PRRG4: variants seen among roughly 807,000 people sequenced by gnomAD.
PRRG4 encodes the protein proline rich and Gla domain 4.
A neutral mutation model predicts 20.0 loss-of-function variants in PRRG4; 12 were observed. The observed-to-expected ratio is 0.60, with a 90% CI of 0.38 to 0.97. The LOEUF (loss-of-function observed/expected upper bound fraction) is 0.97, where lower values mean the gene tolerates loss of function less well. Ranked by LOEUF, PRRG4 falls within the 50% of genes least tolerant of loss-of-function variation. The pLI is 0.00. For missense variants in PRRG4, 199 were observed against 265.1 expected, an observed-to-expected ratio of 0.75 and a Z score of 1.73; for synonymous variants, 94 against 96.4, an observed-to-expected ratio of 0.98 and a Z score of 0.15.
intron 3 of PRRG4, among the ~76,000 whole-genome samples, chr11:32,838,089 T>C (rs180742500): frequency 4.2e-4 from 64 of 152,292 alleles, no homozygotes; most frequent in African/African-American, 1.5e-3. Context: ...TTAAAATTCA[T>C]TTCTATTCTC....
intron 2 of PRRG4, among the ~76,000 whole-genome samples, chr11:32,833,096 G>A (rs934878895): frequency 6.6e-6 from 1 of 152,012 alleles, no homozygotes; most frequent in African/African-American, 2.4e-5. Flanking sequence ...GCAAGTTCAG[G>A]GTTACTTAGA....
At chr11:32,833,443 G>T (rs565927510) in intron 2 of PRRG4, among the ~76,000 whole-genome samples, 1 of 152,288 alleles carries the variant, frequency 6.6e-6, no homozygotes, top group South Asian at 2.1e-4. Flanking sequence ...AGACTGTCAT[G>T]AGAAATTTGG....
rs748898350 is a variant in PRRG4, at chr11:32,855,615, G to T, written c.*2088G>T. On this transcript the variant is annotated 3_prime_UTR_variant, in exon 6 of 6. Coordinates refer to ENST00000257836, the MANE Select transcript of PRRG4 (RefSeq NM_024081.6). ...TAAAAGTAAGTCCTTAATCATTACA[G>T]ACTGCCAAAGACTTTATCCTTTTAG... The T allele has an allele frequency of 6.6e-6, 1 of 152,124 alleles. No individual in the cohort carries two copies. The highest frequency in any genetic ancestry group is 1.5e-5 in the Non-Finnish European group (1 of 68,010). 9.4% of individuals were successfully genotyped at this position (152,124 alleles called of 1,614,324 possible). A position where few individuals can be genotyped will look rare whatever the true frequency, so the allele number is the denominator to read the frequency against.
In PRRG4 at chr11:32,853,356, G is replaced by A. The variant is rs140392147; in HGVS notation, c.510G>A (p.Glu170=). The change falls in exon 6 of 6, where the codon GAG becomes GAA. Residue 170 remains glutamate (E), a synonymous_variant. Transcript: ENST00000257836. The stretch of plus-strand genomic sequence containing the variant: ...CCTCCATCATTTTCAGAAGACCTGA[G>A]GAGGCTGCCTTGTCTCCATTGCCGC... ...HTPSIIFRRP[E]EAALSPLPPS... 1.2e-5 allele frequency: 19 copies of A among 1,613,990 alleles called. No homozygotes were observed. In the African/African-American group the frequency reaches 2.4e-4, roughly 20 times the overall value.
chr11:32,851,445 A>G (rs2133451548), intron 5 of PRRG4, among the ~76,000 whole-genome samples: 1 of 152,328 alleles, frequency 6.6e-6, no homozygotes, highest in East Asian at 1.9e-4. Context: ...GATTTCTGAC[A>G]GAGGAGGAAT....
intron 2 of PRRG4, 30 bp downstream of exon 2, chr11:32,830,662 A>T (rs754091992): frequency 6.2e-7 from 1 of 1,613,808 alleles, no homozygotes; most frequent in South Asian, 1.1e-5. Flanking sequence ...TGGAACCCAG[A>T]GCCGCATAGC....
intron 1 of PRRG4, 70 bp downstream of exon 1, chr11:32,830,243 G>A: frequency 9.3e-7 from 1 of 1,071,392 alleles, no homozygotes; most frequent in Non-Finnish European, 1.2e-6. Context: ...GGCGGACTGG[G>A]TTGGATTCGA....
intron 5 of PRRG4, among the ~76,000 whole-genome samples, chr11:32,845,492 C>T (rs781733891): frequency 5.9e-5 from 9 of 151,948 alleles, no homozygotes; most frequent in Non-Finnish European, 1.3e-4. Flanking sequence ...ATCAGCCGGG[C>T]GTGATGGCGG....
intron 3 of PRRG4, among the ~76,000 whole-genome samples, chr11:32,837,952 A>G (rs918339908): frequency 1.3e-4 from 20 of 152,102 alleles, no homozygotes; most frequent in Non-Finnish European, 2.9e-4. Context: ...GAACCTCCCC[A>G]GGTATCCTTC....
At chr11:32,848,519 T>C (rs2133449313) in intron 5 of PRRG4, among the ~76,000 whole-genome samples, 1 of 152,130 alleles carries the variant, frequency 6.6e-6, no homozygotes, top group Non-Finnish European at 1.5e-5. Context: ...TTAATACCAC[T>C]GAAATGTATA....
Position 32,853,447 on chromosome 11 carries a change from G to A in PRRG4, c.601G>A (p.Val201Ile). ...QAVALTRKHS[V>I]SPPPPYPGHT... Reference sequence around the variant, plus strand: ...AGTGGCGCTGACCAGAAAACACAGTGTTTCACCACCACCACCATATCCTGG... The same window carrying A: ...AGTGGCGCTGACCAGAAAACACAGTATTTCACCACCACCACCATATCCTGG... Residue 201 changes from valine (V) to isoleucine (I), a missense_variant, in exon 6 of 6, where the codon GTT (valine) becomes ATT (isoleucine). Val to Ile is a conservative substitution (Grantham distance 29, BLOSUM62 3). Coordinates refer to ENST00000257836, the MANE Select transcript of PRRG4 (RefSeq NM_024081.6). 1 of 1,614,046 alleles carries A rather than the reference G, an allele frequency of 6.2e-7. No homozygotes were observed. The highest frequency in any genetic ancestry group is 8.5e-7 in the Non-Finnish European group (1 of 1,179,992).
chr11:32,838,260 C>T (rs1851042435), intron 3 of PRRG4, among the ~76,000 whole-genome samples: 2 of 152,012 alleles, frequency 1.3e-5, no homozygotes, highest in Non-Finnish European at 2.9e-5. Context: ...AGTTCAAGAC[C>T]AGCCTGGGCT....
intron 4 of PRRG4, 59 bp downstream of exon 4, chr11:32,838,989 T>C (rs1384903878): frequency 2.2e-5 from 28 of 1,295,052 alleles, no homozygotes; most frequent in Non-Finnish European, 2.8e-5. Context: ...TTGTAATACA[T>C]TTTAGTTTTA....
chr11:32,857,968 A>T lies in PRRG4; in HGVS notation c.*4441A>T, dbSNP rs1851242163. ...TCTAACACCTCAACAGTTTAAGGTA[A>T]TTTAGTACACATATATCAGTATTTT... On this transcript the variant is annotated 3_prime_UTR_variant, in exon 6 of 6. Coordinates refer to ENST00000257836, the MANE Select transcript of PRRG4 (RefSeq NM_024081.6). 2.0e-5 allele frequency: 3 copies of T among 152,098 alleles called. No homozygotes were observed. The highest frequency in any genetic ancestry group is 7.2e-5 in the African/African-American group (3 of 41,442). 9.4% of individuals were successfully genotyped at this position (152,098 alleles called of 1,614,324 possible). A position where few individuals can be genotyped will look rare whatever the true frequency, so the allele number is the denominator to read the frequency against.
At chr11:32,834,217 T>G (rs1406560178) in intron 2 of PRRG4, among the ~76,000 whole-genome samples, 1 of 152,196 alleles carries the variant, frequency 6.6e-6, no homozygotes, top group Non-Finnish European at 1.5e-5. Context: ...CTATCTTGTC[T>G]TTTAAAGGGC....
Position 32,840,366 on chromosome 11 carries a change from A to T in PRRG4, c.449+127A>T, listed in dbSNP as rs188013135. 2 of 698,572 alleles carry T rather than the reference A, an allele frequency of 2.9e-6. No homozygotes were observed. Among genetic ancestry groups the T allele is most frequent in the Admixed American group, 2.6e-5 (1 of 38,862 alleles). The allele number at this position is 698,572 out of a possible 1,614,324, so 43.3% of individuals were successfully genotyped here. On this transcript the variant is annotated intron_variant, in intron 5 of 5. Coordinates refer to ENST00000257836, the MANE Select transcript of PRRG4 (RefSeq NM_024081.6). The surrounding 1 kb of genome is among the most constrained non-coding windows in gnomAD (Gnocchi z 4.1). ...TTTATTTTGGAAGAATTTTAGATGT[A>T]TAGGGAAGTTGCAAAGGTTAATACA...
chr11:32,854,104 G>A lies in PRRG4; in HGVS notation c.*577G>A, dbSNP rs1727274255. On this transcript the variant is annotated 3_prime_UTR_variant, in exon 6 of 6. Coordinates refer to ENST00000257836, the MANE Select transcript of PRRG4 (RefSeq NM_024081.6). ...CTATATCCTTGCAGTTAAGAAGAAA[G>A]CACTTTTTTGTAATGTTTGTTTTAA... 2.6e-5 allele frequency: 4 copies of A among 152,428 alleles called. No individual in the cohort carries two copies. The highest frequency in any genetic ancestry group is 2.6e-4 in the Admixed American group (4 of 15,308). The allele number at this position is 152,428 out of a possible 1,614,324, so 9.4% of individuals were successfully genotyped here.
At position 32,840,148 on chromosome 11, in the gene PRRG4, G is replaced by A. The variant is rs1851064316; in HGVS notation, c.358G>A (p.Gly120Arg). 1 of 1,608,182 alleles carries A rather than the reference G, an allele frequency of 6.2e-7. No individual in the cohort carries two copies. The highest frequency in any genetic ancestry group is 8.5e-7 in the Non-Finnish European group (1 of 1,174,988). The change falls in exon 5 of 6, where the codon GGA (glycine) becomes AGA (arginine). Residue 120 changes from glycine (G) to arginine (R), a missense_variant. Physicochemically the swap from Gly to Arg is moderately radical, Grantham distance 125. Coordinates refer to ENST00000257836, the MANE Select transcript of PRRG4 (RefSeq NM_024081.6). This position sits in a 1 kb window ranked among gnomAD's most constrained non-coding sequence, Gnocchi z 4.1. ...AATAGATGTTATGGGCCTTCTGACTGGATTAATTGCTGCTGGAGTATTTTT... is the reference window on the plus strand; with the variant it reads ...AATAGATGTTATGGGCCTTCTGACTAGATTAATTGCTGCTGGAGTATTTTT... Reference protein sequence around the residue: ...EKIDVMGLLTGLIAAGVFLVI... With the variant: ...EKIDVMGLLTRLIAAGVFLVI...
chr11:32,837,507 AGATGATGATGAT>A lies in PRRG4; in HGVS notation c.267+711_267+722del, dbSNP rs145836180. 2.8e-3 allele frequency among the ~76,000 whole-genome samples: 380 copies of A among 134,694 alleles called. 1 individual carries two copies. The highest frequency in any genetic ancestry group is 7.3e-3 in the African/African-American group (264 of 36,242). 88.4% of individuals were successfully genotyped at this position (134,694 alleles called of 152,430 possible). ...AGTCTTGAAAAATGTTAACTAACTG[AGATGATGATGAT>A]GATGATGATGATGATGATGATGATT... On this transcript the variant is annotated intron_variant, in intron 3 of 5. Transcript: ENST00000257836.
Sources: allele counts gnomAD v4.1 joint callset (sites outside exome capture counted in the v4.1 genomes callset), GRCh38; gene constraint gnomAD v4.1.1; non-coding constraint Gnocchi (gnomAD v3.1); transcripts MANE v1.5; gene names NCBI Gene and HGNC (gene_info 2026-07-23, HGNC 2026-07-21).